Variants in CEP57L1 observed in about 807,000 individuals in gnomAD.
CEP57L1 encodes the protein centrosomal protein 57 like 1, also known as centrosomal protein CEP57L1.
A neutral mutation model predicts 61.0 loss-of-function variants in CEP57L1; 37 were observed. The observed-to-expected ratio is 0.61, with a 90% CI of 0.47 to 0.80. CEP57L1 has a LOEUF of 0.80. Among genes scored for constraint, CEP57L1 ranks in the 30% least tolerant of loss-of-function variants. The pLI, the probability that CEP57L1 is intolerant of heterozygous loss-of-function variation, is 0.00. For synonymous variants in CEP57L1, 137 were observed against 162.3 expected, an observed-to-expected ratio of 0.84 and a Z score of 1.19; for missense variants, 422 against 524.7, an observed-to-expected ratio of 0.80 and a Z score of 1.91.
chr6:109,095,418 G>A (rs1328809458), upstream of CEP57L1: 1 of 985,788 alleles, frequency 1.0e-6, no homozygotes, highest in Non-Finnish European at 1.2e-6. Context: ...TCGGTAGGAC[G>A]TCTTCGCGTT....
At chr6:109,159,531 ACTC>A in intron 9 of CEP57L1, 69 bp downstream of exon 9, 1 of 1,439,138 alleles carries the variant, frequency 6.9e-7, no homozygotes, top group Middle Eastern at 1.8e-4. Context: ...CTAGTCTTGA[ACTC>A]CTGGTTTCAG....
intron 1 of CEP57L1, among the ~76,000 whole-genome samples, chr6:109,108,075 A>G (rs2114607324): frequency 6.6e-6 from 1 of 152,308 alleles, no homozygotes; most frequent in Admixed American, 6.5e-5. Flanking sequence ...GTTATGGAGA[A>G]GTTAAGCTAC....
At chr6:109,138,696 G>A (rs908773546) in intron 1 of CEP57L1, among the ~76,000 whole-genome samples, 1 of 152,176 alleles carries the variant, frequency 6.6e-6, no homozygotes, top group Non-Finnish European at 1.5e-5. Flanking sequence ...TGTTTGAAAT[G>A]TTAAAAATTG....
At chr6:109,130,032 A>G (rs1378155925) in intron 1 of CEP57L1, among the ~76,000 whole-genome samples, 2 of 152,140 alleles carry the variant, frequency 1.3e-5, no homozygotes, top group African/African-American at 2.4e-5. Context: ...CACCCCATCA[A>G]TCAGAGAGTG....
At chr6:109,146,629 G>A (rs1771988609) in intron 2 of CEP57L1, 129 bp from the exon 3 acceptor site, 2 of 582,838 alleles carry the variant, frequency 3.4e-6, no homozygotes, top group Non-Finnish European at 5.9e-6. Context: ...ATTTTTTGAA[G>A]AATATGCATT....
At chr6:109,131,867 A>G (rs1296365947) in intron 1 of CEP57L1, among the ~76,000 whole-genome samples, 1 of 152,084 alleles carries the variant, frequency 6.6e-6, no homozygotes, top group African/African-American at 2.4e-5. Context: ...TCCTGCTTGC[A>G]TGGGACAGAG....
At chr6:109,095,190 G>A (rs139064918), upstream of CEP57L1, 18 of 985,404 alleles carry the variant, frequency 1.8e-5, no homozygotes, top group South Asian at 4.7e-5. Context: ...CTAAGCTTGC[G>A]CCCTGAGGCG....
Position 109,165,076 on chromosome 6 carries a change from CAAA to C in CEP57L1, c.*2121_*2123del, listed in dbSNP as rs201301791. 0.011 allele frequency among the ~76,000 whole-genome samples: 913 copies of C among 81,846 alleles called. 14 individuals are homozygous for C. The highest frequency in any genetic ancestry group is 0.036 in the African/African-American group (869 of 24,472). The allele number at this position is 81,846 out of a possible 152,430, so 53.7% of individuals were successfully genotyped here. On this transcript the variant is annotated 3_prime_UTR_variant, in exon 11 of 11. Transcript: ENST00000517392. Reference sequence around the variant, plus strand: ...CTGGTGACACAGCAAGACTCTGTCTCAAAAAAAAAAAAAAAAATTAAAACCATT... The same window carrying C: ...CTGGTGACACAGCAAGACTCTGTCTCAAAAAAAAAAAAAATTAAAACCATT...
At chr6:109,137,010 C>T (rs1346619506) in intron 1 of CEP57L1, among the ~76,000 whole-genome samples, 1 of 152,090 alleles carries the variant, frequency 6.6e-6, no homozygotes, top group Non-Finnish European at 1.5e-5. Flanking sequence ...ACCTCCGCCT[C>T]CCAAAGTGCA....
chr6:109,160,834 A>T, intron 10 of CEP57L1, 118 bp downstream of exon 10: 1 of 937,758 alleles, frequency 1.1e-6, no homozygotes, highest in South Asian at 2.0e-5. Context: ...GAAAAGATGG[A>T]TGGTAATCCC....
chr6:109,125,892 C>T (rs1773503853), intron 1 of CEP57L1, among the ~76,000 whole-genome samples: 1 of 151,926 alleles, frequency 6.6e-6, no homozygotes, highest in African/African-American at 2.4e-5. Flanking sequence ...GTAATATTTT[C>T]AAATCCTAAG....
At chr6:109,104,053 TC>T (rs1203362098) in intron 1 of CEP57L1, among the ~76,000 whole-genome samples, 1 of 151,238 alleles carries the variant, frequency 6.6e-6, no homozygotes, top group Non-Finnish European at 1.5e-5. Flanking sequence ...TTTTTTTTTT[TC>T]AATGAAATGA....
chr6:109,112,271 A>C (rs148466946), intron 1 of CEP57L1, among the ~76,000 whole-genome samples: 276 of 152,208 alleles, frequency 1.8e-3, no homozygotes, highest in African/African-American at 6.3e-3. Flanking sequence ...TGTGCCCCGG[A>C]ATTTATCCAT....
chr6:109,143,390 C>T (rs1357203869), intron 1 of CEP57L1, among the ~76,000 whole-genome samples: 1 of 152,160 alleles, frequency 6.6e-6, no homozygotes, highest in African/African-American at 2.4e-5. Context: ...TAGGCTTATG[C>T]ACTTGTTTAC....
rs114352460 is a variant in CEP57L1, at chr6:109,124,607, A to G, written c.-3-20612A>G. Among the ~76,000 whole-genome samples the G allele has an allele frequency of 8.3e-3, 1,264 of 152,336 alleles. 23 individuals are homozygous for G. The highest frequency in any genetic ancestry group is 0.029 in the African/African-American group (1,213 of 41,584). The stretch of plus-strand genomic sequence containing the variant: ...ACATGGATTTAGTAAGTTAATTCAC[A>G]GAAGAAGTTTTTAATAAATGTGAGA... On this transcript the variant is annotated intron_variant, in intron 1 of 10. Transcript: ENST00000517392.
chr6:109,113,429 C>T (rs1354991622), intron 1 of CEP57L1, among the ~76,000 whole-genome samples: 1 of 152,102 alleles, frequency 6.6e-6, no homozygotes, highest in African/African-American at 2.4e-5. Context: ...AGTTCTCTCT[C>T]TTGAAGATCT....
chr6:109,105,703 G>T (rs771250958), intron 1 of CEP57L1, among the ~76,000 whole-genome samples: 9 of 152,090 alleles, frequency 5.9e-5, no homozygotes, highest in Non-Finnish European at 1.3e-4. Flanking sequence ...TAGTGCACAT[G>T]TATGTTTTGA....
At chr6:109,116,517 G>A (rs899044464) in intron 1 of CEP57L1, among the ~76,000 whole-genome samples, 6 of 152,212 alleles carry the variant, frequency 3.9e-5, no homozygotes, top group African/African-American at 1.4e-4. Context: ...CAGTAGAGTA[G>A]ACTAATTGAT....
At chr6:109,142,506 A>G (rs920384845) in intron 1 of CEP57L1, among the ~76,000 whole-genome samples, 1 of 152,156 alleles carries the variant, frequency 6.6e-6, no homozygotes. Flanking sequence ...AGGTGCAGCA[A>G]ACTAATATGG....
Sources: gnomAD v4.1 joint callset for allele counts (sites outside exome capture counted in the v4.1 genomes callset) on GRCh38, gnomAD v4.1.1 for gene constraint, MANE v1.5 for transcripts, NCBI Gene and HGNC (gene_info 2026-07-23, HGNC 2026-07-21) for gene names.